MT3: variants seen among roughly 807,000 people sequenced by gnomAD.
The protein encoded by MT3 is metallothionein 3, also known as metallothionein-3.
In MT3, 8 loss-of-function variants were observed where a neutral mutation model predicts 10.9. That is an observed-to-expected ratio of 0.73 (90% confidence interval 0.43 to 1.33). The LOEUF is 1.33. MT3 is among the 40% of genes most tolerant of loss of function. MT3 has a pLI of 0.01. For missense variants in MT3, 75 were observed against 83.9 expected (o/e 0.89, Z 0.41); for synonymous variants, 32 against 29.9 (o/e 1.07, Z -0.23).
At chr16:56,589,705 G>T (rs1217772143) in intron 1 of MT3, 84 bp downstream of exon 1, 1 of 1,599,238 alleles carries the variant, frequency 6.3e-7, no homozygotes, top group Non-Finnish European at 8.5e-7. Context: ...CTTCGCTCAA[G>T]GACACTTGGG....
chr16:56,590,046 ACT>A, intron 2 of MT3, 111 bp downstream of exon 2: 1 of 1,206,648 alleles, frequency 8.3e-7, no homozygotes, highest in East Asian at 2.4e-5. Flanking sequence ...GTGGTTTCTG[ACT>A]CTTGCTGGAA....
rs150194038 is a variant in MT3 at position 56,590,466 on chromosome 16, C to A, written c.98-374C>A. ...CACGGCTTTCCTGGGCCCCTTACAT[C>A]TGCACCATATCTGCCCCTCCCAAGT... On this transcript the variant is annotated intron_variant, in intron 2 of 2. Coordinates refer to ENST00000200691, the MANE Select transcript of MT3 (RefSeq NM_005954.4). The A allele has an allele frequency of 2.1e-3, 926 of 449,956 alleles. 5 individuals carry two copies. Among genetic ancestry groups the A allele is most frequent in the African/African-American group, 0.017 (846 of 51,218 alleles). The allele number at this position is 449,956 out of a possible 1,614,324, so 27.9% of individuals were successfully genotyped here.
intron 1 of MT3, 39 bp from the exon 2 acceptor site, chr16:56,589,831 C>T (rs1202108960): frequency 6.2e-7 from 1 of 1,610,270 alleles, no homozygotes; most frequent in African/African-American, 1.3e-5. Context: ...GACCCGAGTT[C>T]GTCCACATTA....
chr16:56,590,206 T>G (rs549002432), intron 2 of MT3: 15 of 621,782 alleles, frequency 2.4e-5, no homozygotes, highest in Non-Finnish European at 2.9e-5. Context: ...TGGTCCAACC[T>G]TTCCCGACCC....
At position 56,590,956 on chromosome 16, in the gene MT3, A is replaced by C. The variant is rs750723110; in HGVS notation, c.*7A>C. 6.2e-7 allele frequency: 1 copy of C among 1,610,912 alleles called. No homozygotes were observed. Among genetic ancestry groups the C allele is most frequent in the Admixed American group, 1.7e-5 (1 of 59,662 alleles). On this transcript the variant is annotated 3_prime_UTR_variant, in exon 3 of 3. Coordinates refer to ENST00000200691, the MANE Select transcript of MT3 (RefSeq NM_005954.4). ...GTGCAGCTGCTGCCAGTGAGAAGGCACCCCTCCGTGTGGAGCACGTGGAGA... is the reference window on the plus strand; with the variant it reads ...GTGCAGCTGCTGCCAGTGAGAAGGCCCCCCTCCGTGTGGAGCACGTGGAGA...
chr16:56,590,977 G>A lies in MT3; in HGVS notation c.*28G>A. The A allele has an allele frequency of 6.3e-7, 1 of 1,596,756 alleles. No homozygotes were observed. Among genetic ancestry groups the A allele is most frequent in the East Asian group, 2.3e-5 (1 of 44,288 alleles). On this transcript the variant is annotated 3_prime_UTR_variant, in exon 3 of 3. Coordinates refer to ENST00000200691, the MANE Select transcript of MT3 (RefSeq NM_005954.4). ...AGGCACCCCTCCGTGTGGAGCACGT[G>A]GAGATAGTGCCAGGTGGCTCAGTGC...
intron 2 of MT3, 68 bp downstream of exon 2, chr16:56,590,003 C>T (rs755290243): frequency 2.4e-5 from 37 of 1,535,934 alleles, no homozygotes; most frequent in African/African-American, 4.1e-5. Flanking sequence ...TCTCACCACG[C>T]AGGATGTGGA....
intron 1 of MT3, 122 bp from the exon 2 acceptor site, chr16:56,589,748 G>A: frequency 6.3e-7 from 1 of 1,575,940 alleles, no homozygotes; most frequent in South Asian, 1.1e-5. Flanking sequence ...TCTTCACCTC[G>A]TGAAGGGCGG....
intron 2 of MT3, chr16:56,590,139 G>A (rs1399085997): frequency 1.4e-6 from 1 of 703,912 alleles, no homozygotes; most frequent in African/African-American, 1.7e-5. Context: ...TGGGACGAGA[G>A]GTTTTTGTAA....
intron 2 of MT3, chr16:56,590,365 A>G (rs1209979702): frequency 1.8e-6 from 1 of 545,456 alleles, no homozygotes; most frequent in Admixed American, 3.2e-5. Context: ...TGTAATATGC[A>G]TAGGGAGTAA....
At chr16:56,589,990 G>A (rs1351766903) in intron 2 of MT3, 55 bp downstream of exon 2, 35 of 1,585,144 alleles carry the variant, frequency 2.2e-5, no homozygotes, top group Non-Finnish European at 2.9e-5. Context: ...TGCGGAGTCG[G>A]TGTCTCACCA....
At chr16:56,590,099 C>T in intron 2 of MT3, 164 bp downstream of exon 2, 2 of 755,502 alleles carry the variant, frequency 2.6e-6, no homozygotes, top group South Asian at 1.5e-5. Context: ...GATGCCCCTG[C>T]CCCACACCCA....
intron 1 of MT3, 21 bp downstream of exon 1, chr16:56,589,642 G>T (rs1959797047): frequency 1.2e-6 from 2 of 1,604,764 alleles, no homozygotes; most frequent in Non-Finnish European, 8.5e-7. Context: ...GCCCCCGCTC[G>T]CATCCTGCGC....
Position 56,590,756 on chromosome 16 carries a change from A to G in MT3, c.98-84A>G, listed in dbSNP as rs1959812083. The G allele has an allele frequency of 2.2e-6, 3 of 1,387,314 alleles. No homozygotes were observed. The Admixed American group carries it at 5.9e-5, about 27-fold the overall frequency. 85.9% of individuals were successfully genotyped at this position (1,387,314 alleles called of 1,614,324 possible). A position where few individuals can be genotyped will look rare whatever the true frequency, so the allele number is the denominator to read the frequency against. Reference sequence around the variant, plus strand: ...GCTGAATGAACCAGGATGACTCCCCACCCAGCACCCTTCCCTCCCCTTTGA... The same window carrying G: ...GCTGAATGAACCAGGATGACTCCCCGCCCAGCACCCTTCCCTCCCCTTTGA... On this transcript the variant is annotated intron_variant, in intron 2 of 2. Coordinates refer to ENST00000200691, the MANE Select transcript of MT3 (RefSeq NM_005954.4).
chr16:56,590,729 T>G (rs1445989151), intron 2 of MT3, 111 bp from the exon 3 acceptor site: 1 of 1,056,756 alleles, frequency 9.5e-7, no homozygotes, highest in Non-Finnish European at 1.4e-6. Context: ...CGACTAGCCC[T>G]GGCTGAATGA....
intron 1 of MT3, 55 bp from the exon 2 acceptor site, chr16:56,589,815 C>G: frequency 1.9e-6 from 3 of 1,598,644 alleles, no homozygotes; most frequent in Non-Finnish European, 2.6e-6. Flanking sequence ...TCGTGACAGG[C>G]GTGGGGACCC....
intron 2 of MT3, 93 bp downstream of exon 2, chr16:56,590,028 C>G: frequency 3.6e-6 from 5 of 1,389,598 alleles, no homozygotes; most frequent in Non-Finnish European, 5.1e-6. Context: ...CAGCCAGGCC[C>G]CGATCCCGTG....
At chr16:56,590,128 G>C (rs1371779817) in intron 2 of MT3, 193 bp downstream of exon 2, 1 of 713,554 alleles carries the variant, frequency 1.4e-6, no homozygotes, top group South Asian at 1.5e-5. Context: ...TGGCCTAGGC[G>C]TGGGACGAGA....
chr16:56,589,912 G>A lies in MT3; in HGVS notation c.74G>A (p.Cys25Tyr), dbSNP rs1452181715. 6.2e-7 allele frequency: 1 copy of A among 1,613,988 alleles called. No individual in the cohort carries two copies. Among genetic ancestry groups the A allele is most frequent in the Non-Finnish European group, 8.5e-7 (1 of 1,180,024 alleles). Residue 25 changes from cysteine (C) to tyrosine (Y), a missense_variant, in exon 2 of 3, where the codon TGC becomes TAC. Transcript: ENST00000200691. Reference protein sequence around the residue: ...TCADSCKCEGCKCTSCKKSCC... With the variant: ...TCADSCKCEGYKCTSCKKSCC... ...GCGGACTCCTGCAAGTGCGAGGGAT[G>A]CAAATGCACCTCCTGCAAGAAGAGT...
Sources: allele counts gnomAD v4.1 joint callset, GRCh38; gene constraint gnomAD v4.1.1; transcripts MANE v1.5; gene names NCBI Gene and HGNC (gene_info 2026-07-23, HGNC 2026-07-21).